The following CFAP43 variants were observed in gnomAD, a reference collection of about 807,000 sequenced individuals.
CFAP43 encodes the protein cilia and flagella associated protein 43, also known as cilia- and flagella-associated protein 43.
In CFAP43, 155 loss-of-function variants were observed where a neutral mutation model predicts 218.9. The ratio of observed to expected loss-of-function variants is 0.71; its 90% CI spans 0.62 to 0.81. The LOEUF (loss-of-function observed/expected upper bound fraction) is 0.81, where lower values mean the gene tolerates loss of function less well. Ranked by LOEUF, CFAP43 falls within the 30% of genes least tolerant of loss-of-function variation. The pLI is 0.00. For synonymous variants in CFAP43, 645 were observed against 681.3 expected, an observed-to-expected ratio of 0.95 and a Z score of 0.83; for missense variants, 1,778 against 1,954.3, an observed-to-expected ratio of 0.91 and a Z score of 1.70.
chr10:104,189,882 A>C (rs976344251), intron 12 of CFAP43, among the ~76,000 whole-genome samples: 18 of 152,146 alleles, frequency 1.2e-4, no homozygotes, highest in African/African-American at 2.4e-4. Context: ...AACAAACAAA[A>C]AAAGGCCAGG....
chr10:104,192,018 C>A (rs1379497642), intron 12 of CFAP43, among the ~76,000 whole-genome samples, 181 bp downstream of exon 12: 1 of 151,994 alleles, frequency 6.6e-6, no homozygotes, highest in Non-Finnish European at 1.5e-5. Context: ...TCTAATATTC[C>A]AAATACATCA....
At chr10:104,154,221 C>G (rs1411387710) in intron 27 of CFAP43, among the ~76,000 whole-genome samples, 1 of 152,106 alleles carries the variant, frequency 6.6e-6, no homozygotes, top group Non-Finnish European at 1.5e-5. Flanking sequence ...ATTGATAATT[C>G]TTATTTAAAT....
intron 3 of CFAP43, among the ~76,000 whole-genome samples, chr10:104,215,359 T>A (rs910143560): frequency 1.3e-5 from 2 of 152,164 alleles, no homozygotes; most frequent in South Asian, 2.1e-4. Flanking sequence ...GAGCTAATAT[T>A]GATTGAGCTT....
intron 24 of CFAP43, among the ~76,000 whole-genome samples, chr10:104,163,458 T>A (rs921369646): frequency 6.6e-6 from 1 of 152,230 alleles, no homozygotes; most frequent in Non-Finnish European, 1.5e-5. Context: ...CTTTAGCATT[T>A]TTTTTTACTT....
intron 3 of CFAP43, among the ~76,000 whole-genome samples, chr10:104,215,835 G>A (rs2090997506): frequency 6.6e-6 from 1 of 152,090 alleles, no homozygotes. Flanking sequence ...CTACCCATTT[G>A]GGTCTGCATG....
intron 17 of CFAP43, 53 bp from the exon 18 acceptor site, chr10:104,179,985 T>A: frequency 6.9e-7 from 1 of 1,445,552 alleles, no homozygotes; most frequent in Non-Finnish European, 9.7e-7. Context: ...ATTCATCAAG[T>A]TTTTCCCCTC....
At chr10:104,193,701 C>T (rs2090298006) in intron 11 of CFAP43, 165 bp downstream of exon 11, 2 of 941,938 alleles carry the variant, frequency 2.1e-6, no homozygotes, top group Admixed American at 3.0e-5. Flanking sequence ...GGGTACTTTA[C>T]TACACAGCCC....
chr10:104,204,967 C>T (rs1246275985), intron 7 of CFAP43, among the ~76,000 whole-genome samples: 1 of 152,138 alleles, frequency 6.6e-6, no homozygotes, highest in Non-Finnish European at 1.5e-5. Context: ...GTAATCCCAG[C>T]ATTTTGGGAG....
chr10:104,145,842 C>T (rs530140586), intron 30 of CFAP43, among the ~76,000 whole-genome samples: 1 of 152,276 alleles, frequency 6.6e-6, no homozygotes, highest in Admixed American at 6.5e-5. Context: ...AATATATTTA[C>T]CCAAAAAACA....
Position 104,167,717 on chromosome 10 carries a change from CA to C in CFAP43, c.2711del (p.Val904GlyfsTer7). On this transcript the variant is annotated frameshift_variant, in exon 22 of 38. Coordinates refer to ENST00000357060, the MANE Select transcript of CFAP43 (RefSeq NM_025145.7). LOFTEE classifies it high-confidence loss of function. ...RALKCFHIPC[V>X]VENFPMKART... is the part of the protein sequence containing the mutation. ...GCGCTTTCATCGGGAAGTTTTCAAC[CA>C]CACAGGGGATATGAAAACACTTGGG... is the stretch of plus-strand genomic sequence containing the variant. 6.2e-7 allele frequency: 1 copy of C among 1,608,164 alleles called. No individual in the cohort carries two copies. The highest frequency in any genetic ancestry group is 8.5e-7 in the Non-Finnish European group (1 of 1,178,302).
At position 104,147,919 on chromosome 10, in the gene CFAP43, T is replaced by C; in HGVS notation, c.3740A>G (p.Asn1247Ser). 6.2e-7 allele frequency: 1 copy of C among 1,600,602 alleles called. No homozygotes were observed. The highest frequency in any genetic ancestry group is 8.5e-7 in the Non-Finnish European group (1 of 1,173,984). ...ELSSREKFLN[N>S]YLTRKQHEKS... Reference sequence around the variant, plus strand: ...CTCGTGCTGTTTCCTTGTAAGGTAGTTGTTCAGGAATTTTTCTCTAGAGCT... The same window carrying C: ...CTCGTGCTGTTTCCTTGTAAGGTAGCTGTTCAGGAATTTTTCTCTAGAGCT... The change falls in exon 29 of 38, where the codon AAC (asparagine) becomes AGC (serine). Residue 1247 changes from asparagine (N) to serine (S), a missense_variant. Transcript: ENST00000357060.
chr10:104,229,046 C>G (rs982867737), intron 2 of CFAP43, among the ~76,000 whole-genome samples: 7 of 152,094 alleles, frequency 4.6e-5, no homozygotes, highest in African/African-American at 1.7e-4. Flanking sequence ...AGAACTACAG[C>G]CAAATAACCA....
At chr10:104,186,417 C>T (rs540930609) in intron 14 of CFAP43, among the ~76,000 whole-genome samples, 39 of 152,242 alleles carry the variant, frequency 2.6e-4, no homozygotes, top group African/African-American at 8.4e-4. Flanking sequence ...TTTTACTAAT[C>T]ATTTTCACAT....
chr10:104,149,152 T>C (rs1180036174), intron 28 of CFAP43, among the ~76,000 whole-genome samples: 1 of 152,198 alleles, frequency 6.6e-6, no homozygotes, highest in East Asian at 1.9e-4. Context: ...TCATCCTTTT[T>C]ATTTCTTGAA....
rs41313473 is a variant in CFAP43 at position 104,129,903 on chromosome 10, A to G, written c.*236T>C. The G allele has an allele frequency of 0.074, 29,758 of 399,540 alleles. 1,363 individuals carry two copies. Among genetic ancestry groups the G allele is most frequent in the Non-Finnish European group, 0.1 (23,045 of 229,506 alleles). The allele number at this position is 399,540 out of a possible 1,614,324, so 24.7% of individuals were successfully genotyped here. ...AGATCTTGAATACTTTCTGACTTCAAGTCTTGTTTATTCTTGAATAAAAAC... is the reference window on the plus strand; with the variant it reads ...AGATCTTGAATACTTTCTGACTTCAGGTCTTGTTTATTCTTGAATAAAAAC... On this transcript the variant is annotated 3_prime_UTR_variant, in exon 38 of 38. Transcript: ENST00000357060.
rs148034207 is a variant in CFAP43, at chr10:104,132,193, G to C, written c.4600C>G (p.Leu1534Val). Reference protein sequence around the residue: ...LFFSRDRQKYLNEPNYEALIS... With the variant: ...LFFSRDRQKYVNEPNYEALIS... ...AGAGCCTCATAGTTTGGTTCATTTA[G>C]GTACTTTGAGATTAAAAAAAAACAT... The change falls in exon 36 of 38, where the codon CTA (leucine) becomes GTA (valine). Residue 1534 changes from leucine (L) to valine (V), a missense_variant. Physicochemically the swap from Leu to Val is conservative, Grantham distance 32. This residue lies in a region of CFAP43 where 211 missense variants were observed against 230.6 expected (regional missense o/e 0.91). Coordinates refer to ENST00000357060, the MANE Select transcript of CFAP43 (RefSeq NM_025145.7). 6.9e-6 allele frequency: 11 copies of C among 1,585,634 alleles called. No homozygotes were observed. In the East Asian group the frequency reaches 2.0e-4, roughly 29 times the overall value.
chr10:104,142,579 C>T (rs1388327647), intron 32 of CFAP43, among the ~76,000 whole-genome samples, 186 bp from the exon 33 acceptor site: 1 of 152,052 alleles, frequency 6.6e-6, no homozygotes, highest in Non-Finnish European at 1.5e-5. Flanking sequence ...TTGAAAGTAT[C>T]AAATTTGCTT....
Position 104,161,048 on chromosome 10 carries a change from T to TA in CFAP43, c.3528dup (p.Lys1177Ter). Reference sequence around the variant, plus strand: ...TTTGCTCTTCTGACCTTTCTATACTTATCTCTTTCTTCATTTAACTCCTTT... The same window carrying TA: ...TTTGCTCTTCTGACCTTTCTATACTTAATCTCTTTCTTCATTTAACTCCTTT... On this transcript the variant is annotated frameshift_variant, in exon 27 of 38. Transcript: ENST00000357060. LOFTEE classifies it high-confidence loss of function. 2 of 1,608,280 alleles carry TA rather than the reference T, an allele frequency of 1.2e-6. No homozygotes were observed. The highest frequency in any genetic ancestry group is 1.7e-6 in the Non-Finnish European group (2 of 1,175,334).
intron 2 of CFAP43, among the ~76,000 whole-genome samples, chr10:104,229,968 A>G (rs1409305437): frequency 6.6e-6 from 1 of 152,224 alleles, no homozygotes; most frequent in African/African-American, 2.4e-5. Flanking sequence ...TAATGTGCAT[A>G]TGAATCACCT....
Sources: gnomAD v4.1 joint callset for allele counts (sites outside exome capture counted in the v4.1 genomes callset) on GRCh38, gnomAD v4.1.1 for gene constraint, gnomAD v4.1.1 regional missense constraint, MANE v1.5 for transcripts, NCBI Gene and HGNC (gene_info 2026-07-23, HGNC 2026-07-21) for gene names.